Variants in BSDC1 observed in about 807,000 individuals in gnomAD.
The protein encoded by BSDC1 is BSD domain containing 1, also known as BSD domain-containing protein 1.
In BSDC1, 29 loss-of-function variants were observed where a neutral mutation model predicts 56.0. That is an observed-to-expected ratio of 0.52 (90% confidence interval 0.39 to 0.71). BSDC1 has a LOEUF of 0.71. Ranked by LOEUF, BSDC1 falls within the 30% of genes least tolerant of loss-of-function variation. BSDC1 has a pLI of 0.00. For missense variants in BSDC1, 477 were observed against 548.5 expected, an observed-to-expected ratio of 0.87 and a Z score of 1.30; for synonymous variants, 210 against 215.3, an observed-to-expected ratio of 0.98 and a Z score of 0.21.
At chr1:32,368,674 G>C (rs1641948678) in intron 9 of BSDC1, 124 bp from the exon 10 acceptor site, 1 of 1,373,812 alleles carries the variant, frequency 7.3e-7, no homozygotes, top group Non-Finnish European at 9.8e-7. Context: ...TTTACATTTT[G>C]TGTTCACTCT....
chr1:32,386,075 T>G (rs561232827), intron 3 of BSDC1, among the ~76,000 whole-genome samples: 1 of 152,200 alleles, frequency 6.6e-6, no homozygotes, highest in African/African-American at 2.4e-5. Context: ...GTCCCAGCAC[T>G]TTGGGAGATT....
At chr1:32,375,169 C>T (rs1419406644) in intron 9 of BSDC1, among the ~76,000 whole-genome samples, 1 of 151,724 alleles carries the variant, frequency 6.6e-6, no homozygotes, top group African/African-American at 2.4e-5. Context: ...ACAATAAAAA[C>T]CAGGTAGGAG....
chr1:32,382,944 G>C (rs924367701), intron 4 of BSDC1, among the ~76,000 whole-genome samples: 1 of 150,772 alleles, frequency 6.6e-6, no homozygotes, highest in Non-Finnish European at 1.5e-5. Flanking sequence ...TGCTTTAAGT[G>C]CTCTGAAGAC....
intron 2 of BSDC1, among the ~76,000 whole-genome samples, chr1:32,390,077 G>A (rs1410376159): frequency 6.6e-6 from 1 of 152,130 alleles, no homozygotes; most frequent in Non-Finnish European, 1.5e-5. Flanking sequence ...TGTGAAGCAA[G>A]AGTGGTGAGG....
Position 32,376,753 on chromosome 1 carries a change from G to GA in BSDC1, c.677-13dup, listed in dbSNP as rs774081646. 6 of 1,349,968 alleles carry GA rather than the reference G, an allele frequency of 4.4e-6. No homozygotes were observed. The Admixed American group carries it at 8.2e-5, about 18-fold the overall frequency. 83.6% of individuals were successfully genotyped at this position (1,349,968 alleles called of 1,614,324 possible). A position where few individuals can be genotyped will look rare whatever the true frequency, so the allele number is the denominator to read the frequency against. ...GCCCATGAGCTCCTCTGTAGAGAGAGAAAGGGAGGGGCAAGAGGGAAATGT... is the reference window on the plus strand; with the variant it reads ...GCCCATGAGCTCCTCTGTAGAGAGAGAAAAGGGAGGGGCAAGAGGGAAATGT... On this transcript the variant is annotated splice_polypyrimidine_tract_variant and intron_variant, in intron 8 of 10. Coordinates refer to ENST00000455895, the MANE Select transcript of BSDC1 (RefSeq NM_018045.8).
intron 1 of BSDC1, 122 bp from the exon 2 acceptor site, chr1:32,394,262 C>G (rs964217461): frequency 2.6e-6 from 4 of 1,554,340 alleles, no homozygotes; most frequent in Non-Finnish European, 3.5e-6. Context: ...TTGCCCACCC[C>G]CTCACAATGC....
Position 32,378,365 on chromosome 1 carries a change from A to G in BSDC1, c.529-82T>C. 2 of 1,397,134 alleles carry G rather than the reference A, an allele frequency of 1.4e-6. No homozygotes were observed. The highest frequency in any genetic ancestry group is 2.4e-5 in the South Asian group (2 of 84,344). The allele number at this position is 1,397,134 out of a possible 1,614,324, so 86.5% of individuals were successfully genotyped here. The stretch of plus-strand genomic sequence containing the variant: ...TCCCCAGCCTTATCAGTCTATTCCC[A>G]GCCAGTCTGGATTTCAGACCCAGTA... On this transcript the variant is annotated intron_variant, in intron 6 of 10. Transcript: ENST00000455895. The surrounding 1 kb of genome is among the most constrained non-coding windows in gnomAD (Gnocchi z 5.2).
At chr1:32,373,513 T>A (rs1329326134) in intron 9 of BSDC1, among the ~76,000 whole-genome samples, 3 of 152,118 alleles carry the variant, frequency 2.0e-5, no homozygotes, top group African/African-American at 7.2e-5. Flanking sequence ...TTCTTGCATA[T>A]ACTTTCTTTT....
At chr1:32,393,940 T>C (rs570454844) in intron 2 of BSDC1, 140 bp downstream of exon 2, 8 of 724,446 alleles carry the variant, frequency 1.1e-5, no homozygotes, top group Admixed American at 2.7e-5. Flanking sequence ...CGTGGACCGG[T>C]AGAGGCTAAA....
intron 9 of BSDC1, among the ~76,000 whole-genome samples, chr1:32,370,380 C>G (rs915356882): frequency 6.6e-6 from 1 of 152,038 alleles, no homozygotes; most frequent in Non-Finnish European, 1.5e-5. Flanking sequence ...GAATATAAGC[C>G]CTGTGAGTGC....
At chr1:32,381,399 T>C (rs760995560) in intron 4 of BSDC1, 131 bp from the exon 5 acceptor site, 1 of 871,240 alleles carries the variant, frequency 1.1e-6, no homozygotes, top group Non-Finnish European at 1.9e-6. Flanking sequence ...CCCCAGGGCA[T>C]CTGTTAATTA....
chr1:32,376,010 G>A (rs1463693273), intron 9 of BSDC1, among the ~76,000 whole-genome samples: 1 of 152,156 alleles, frequency 6.6e-6, no homozygotes, highest in African/African-American at 2.4e-5. Context: ...TATTTAGCAT[G>A]GGATCTGGCA....
rs1174247951 is a variant in BSDC1, at chr1:32,368,485, C to T, written c.1222G>A (p.Val408Met). The T allele has an allele frequency of 6.2e-7, 1 of 1,614,188 alleles. No homozygotes were observed. Among genetic ancestry groups the T allele is most frequent in the Non-Finnish European group, 8.5e-7 (1 of 1,180,016 alleles). Reference protein sequence around the residue: ...DFDLDMTEEEVQMALSKVDAS... With the variant: ...DFDLDMTEEEMQMALSKVDAS... ...TCCACTTTGGAAAGTGCCATCTGCACCTCCTCTTCAGTCATGTCCAAGTCA... is the reference window on the plus strand; with the variant it reads ...TCCACTTTGGAAAGTGCCATCTGCATCTCCTCTTCAGTCATGTCCAAGTCA... The change falls in exon 10 of 11, where the codon GTG becomes ATG. Residue 408 changes from valine (V) to methionine (M), a missense_variant. Transcript: ENST00000455895.
At chr1:32,382,396 C>T (rs530478645) in intron 4 of BSDC1, among the ~76,000 whole-genome samples, 3 of 149,130 alleles carry the variant, frequency 2.0e-5, no homozygotes, top group Non-Finnish European at 3.0e-5. Context: ...CTTAGGAGAT[C>T]GAGGCTGCCA....
chr1:32,383,787 T>A, intron 4 of BSDC1, 43 bp downstream of exon 4: 1 of 1,583,264 alleles, frequency 6.3e-7, no homozygotes. Context: ...AAAGCCCAGG[T>A]TACAGATGTT....
At chr1:32,390,050 T>C (rs929498321) in intron 2 of BSDC1, among the ~76,000 whole-genome samples, 8 of 150,858 alleles carry the variant, frequency 5.3e-5, no homozygotes, top group African/African-American at 2.0e-4. Flanking sequence ...AGCATTACAG[T>C]CCTGATGGAC....
At chr1:32,394,255 C>T in intron 1 of BSDC1, 115 bp from the exon 2 acceptor site, 2 of 1,544,296 alleles carry the variant, frequency 1.3e-6, no homozygotes, top group Non-Finnish European at 1.8e-6. Context: ...AGACCGCTTG[C>T]CCACCCCCTC....
chr1:32,368,799 A>G (rs1453831845), intron 9 of BSDC1, among the ~76,000 whole-genome samples: 1 of 152,020 alleles, frequency 6.6e-6, no homozygotes, highest in African/African-American at 2.4e-5. Context: ...CCCAGGTTCA[A>G]GCGATTCTCC....
rs1043794118 is a variant in BSDC1, at chr1:32,376,697, C to A, written c.721G>T (p.Val241Phe). Residue 241 changes from valine (V) to phenylalanine (F), a missense_variant, in exon 9 of 11, where the codon GTT (valine) becomes TTT (phenylalanine). Transcript: ENST00000455895. ...AATGTAGAAATTTTGGCCACAGGAA[C>A]CTTTGCCTCTTTTGGAGATATGGGT... is the stretch of plus-strand genomic sequence containing the variant. ...ISPISPKEAK[V>F]PVAKISTFPE... is the part of the protein sequence containing the mutation. The A allele has an allele frequency of 2.1e-6, 3 of 1,426,564 alleles. No homozygotes were observed. Among genetic ancestry groups the A allele is most frequent in the Admixed American group, 4.8e-5 (2 of 41,836 alleles). The allele number at this position is 1,426,564 out of a possible 1,614,324, so 88.4% of individuals were successfully genotyped here.
Sources: gnomAD v4.1 joint callset for allele counts (sites outside exome capture counted in the v4.1 genomes callset) on GRCh38, gnomAD v4.1.1 for gene constraint, Gnocchi (gnomAD v3.1) non-coding constraint, MANE v1.5 for transcripts, NCBI Gene and HGNC (gene_info 2026-07-23, HGNC 2026-07-21) for gene names.